The following KCNIP1 variants were observed in gnomAD, a reference collection of about 807,000 sequenced individuals.
KCNIP1 encodes potassium voltage-gated channel interacting protein 1, also known as A-type potassium channel modulatory protein KCNIP1.
Under a neutral mutation model 33.0 loss-of-function variants are expected in KCNIP1, and 18 were observed. That is an observed-to-expected ratio of 0.55 (90% CI 0.38 to 0.81). The LOEUF is 0.81. KCNIP1 is among the 30% of genes least tolerant of loss of function. The probability of loss-of-function intolerance (pLI) is 0.00; values close to 1 mark genes in which losing one functional copy is unlikely to be tolerated. For synonymous variants in KCNIP1, 93 were observed against 98.3 expected (o/e 0.95, Z 0.32); for missense variants, 238 against 271.6 (o/e 0.88, Z 0.87).
At chr5:170,382,257 A>G (rs1764272947) in intron 1 of KCNIP1, among the ~76,000 whole-genome samples, 1 of 152,122 alleles carries the variant, frequency 6.6e-6, no homozygotes, top group South Asian at 2.1e-4. Flanking sequence ...CAACCTTAGA[A>G]TCACCTTGGG....
chr5:170,437,824 C>G (rs1755899766), intron 1 of KCNIP1, among the ~76,000 whole-genome samples: 1 of 152,216 alleles, frequency 6.6e-6, no homozygotes, highest in African/African-American at 2.4e-5. Context: ...TTTCCCCTAC[C>G]TCTGGGCCTT....
At chr5:170,570,665 C>T (rs3860759) in intron 1 of KCNIP1, among the ~76,000 whole-genome samples, 61,301 of 152,228 alleles carry the variant, frequency 0.4, 13,242 homozygotes, top group Admixed American at 0.49. Flanking sequence ...GTAATTATGA[C>T]TGTGGCCCCG....
intron 1 of KCNIP1, among the ~76,000 whole-genome samples, chr5:170,356,167 A>G (rs982144678): frequency 1.3e-5 from 2 of 152,316 alleles, no homozygotes; most frequent in East Asian, 1.9e-4. Context: ...TCAACCCTAC[A>G]TGGATACATT....
At chr5:170,599,587 C>A (rs1289177150) in intron 1 of KCNIP1, among the ~76,000 whole-genome samples, 1 of 150,788 alleles carries the variant, frequency 6.6e-6, no homozygotes, top group Non-Finnish European at 1.5e-5. Flanking sequence ...CCCGAGATTC[C>A]ATGATGCTCA....
intron 1 of KCNIP1, among the ~76,000 whole-genome samples, chr5:170,646,227 T>G (rs1256980038): frequency 6.6e-6 from 1 of 152,094 alleles, no homozygotes; most frequent in Admixed American, 6.6e-5. Flanking sequence ...AAAGGAAATA[T>G]TTCCTAACTC....
intron 1 of KCNIP1, among the ~76,000 whole-genome samples, chr5:170,691,947 T>TGGGA (rs1762736301): frequency 6.6e-6 from 1 of 152,228 alleles, no homozygotes; most frequent in Admixed American, 6.5e-5. Flanking sequence ...TTGTTCCCTA[T>TGGGA]GGGATATTCC....
At chr5:170,435,016 C>A (rs1414799733) in intron 1 of KCNIP1, among the ~76,000 whole-genome samples, 1 of 152,184 alleles carries the variant, frequency 6.6e-6, no homozygotes, top group Non-Finnish European at 1.5e-5. Context: ...CAGCTGCCAG[C>A]CCACGGCCTT....
chr5:170,623,195 A>T (rs1759674770), intron 1 of KCNIP1, among the ~76,000 whole-genome samples: 1 of 148,616 alleles, frequency 6.7e-6, no homozygotes. Flanking sequence ...GGCCCAGGGG[A>T]TTGGCGACCC....
intron 1 of KCNIP1, among the ~76,000 whole-genome samples, chr5:170,603,776 G>GGAC (rs1196270608): frequency 3.3e-5 from 5 of 152,220 alleles, no homozygotes; most frequent in Non-Finnish European, 1.5e-5. Flanking sequence ...CTGAGGCTGA[G>GGAC]GACACATGGA....
chr5:170,569,267 G>A (rs1032264363), intron 1 of KCNIP1, among the ~76,000 whole-genome samples: 1 of 152,240 alleles, frequency 6.6e-6, no homozygotes, highest in Non-Finnish European at 1.5e-5. Context: ...GACCCAGGTC[G>A]ATGGAGCTCC....
chr5:170,373,126 G>C (rs1328767037), intron 1 of KCNIP1, among the ~76,000 whole-genome samples: 1 of 152,170 alleles, frequency 6.6e-6, no homozygotes, highest in Non-Finnish European at 1.5e-5. Flanking sequence ...AAGTGGGGAG[G>C]GAGAGTTGTG....
chr5:170,729,070 T>C (rs1274909855), intron 5 of KCNIP1, among the ~76,000 whole-genome samples: 1 of 152,052 alleles, frequency 6.6e-6, no homozygotes. Context: ...ACTGGTTAAC[T>C]ATTTTGGCAA....
chr5:170,599,829 G>A (rs1207621613), intron 1 of KCNIP1, among the ~76,000 whole-genome samples: 1 of 152,196 alleles, frequency 6.6e-6, no homozygotes, highest in African/African-American at 2.4e-5. Flanking sequence ...GACAAAAGAG[G>A]ACTTAGTCAA....
intron 1 of KCNIP1, among the ~76,000 whole-genome samples, chr5:170,690,455 TCTC>T (rs575559950): frequency 3.3e-5 from 5 of 152,216 alleles, no homozygotes; most frequent in African/African-American, 4.8e-5. Context: ...AATAGGGAAA[TCTC>T]CTGATATTTC....
intron 1 of KCNIP1, among the ~76,000 whole-genome samples, chr5:170,640,661 T>TG (rs1403554078): frequency 2.6e-5 from 4 of 152,046 alleles, no homozygotes; most frequent in Admixed American, 2.6e-4. Context: ...TAAGGAGGGG[T>TG]GGACAAGCCA....
chr5:170,542,808 G>T (rs939617961), intron 1 of KCNIP1, among the ~76,000 whole-genome samples: 5 of 152,118 alleles, frequency 3.3e-5, no homozygotes, highest in Non-Finnish European at 7.4e-5. Context: ...TCGTTCACTC[G>T]CTCAAAATAT....
intron 5 of KCNIP1, among the ~76,000 whole-genome samples, chr5:170,726,735 A>G (rs1324665958): frequency 6.9e-6 from 1 of 145,530 alleles, no homozygotes; most frequent in African/African-American, 2.6e-5. Context: ...CACTGTCTCT[A>G]CTAAAAATAC....
chr5:170,526,285 C>G (rs998267404), intron 1 of KCNIP1, among the ~76,000 whole-genome samples: 1 of 152,210 alleles, frequency 6.6e-6, no homozygotes, highest in Non-Finnish European at 1.5e-5. Context: ...ACTACACACT[C>G]AATAATGCCA....
At chr5:170,446,938 G>A (rs780331987) in intron 1 of KCNIP1, among the ~76,000 whole-genome samples, 13 of 152,332 alleles carry the variant, frequency 8.5e-5, no homozygotes, top group African/African-American at 9.6e-5. Flanking sequence ...TCTACATGCC[G>A]AAAGAGTAAT....
Sources: gnomAD v4.1 joint callset for allele counts (sites outside exome capture counted in the v4.1 genomes callset) on GRCh38, gnomAD v4.1.1 for gene constraint, MANE v1.5 for transcripts, NCBI Gene and HGNC (gene_info 2026-07-23, HGNC 2026-07-21) for gene names.